The following ZNF736 variants were observed in gnomAD, a reference collection of about 807,000 sequenced individuals.
The protein encoded by ZNF736 is zinc finger protein 736.
A neutral mutation model predicts 11.7 loss-of-function variants in ZNF736; 6 were observed. The ratio of observed to expected loss-of-function variants is 0.51; its 90% CI spans 0.28 to 1.01. The LOEUF (loss-of-function observed/expected upper bound fraction) is 1.01. Among genes scored for constraint, ZNF736 ranks in the 50% least tolerant of loss-of-function variants. The pLI, the probability that ZNF736 is intolerant of heterozygous loss-of-function variation, is 0.09. For missense variants in ZNF736, 444 were observed against 496.0 expected (o/e 0.90, Z 1.00); for synonymous variants, 139 against 164.7 (o/e 0.84, Z 1.19).
rs1406265915 is a variant in ZNF736 at position 64,348,928 on chromosome 7, C to T, written c.1065C>T (p.Thr355=). 3 of 1,602,210 alleles carry T rather than the reference C, an allele frequency of 1.9e-6. No individual in the cohort carries two copies. Among genetic ancestry groups the T allele is most frequent in the South Asian group, 1.1e-5 (1 of 89,624 alleles). Residue 355 remains threonine, a synonymous_variant, in exon 4 of 4, where the codon ACC becomes ACT. Transcript: ENST00000423484. ...GCAAAGCCTTTACCCGCTCCTCAAC[C>T]CTTTTTAACCACAAGAGAATTCATA... is the stretch of plus-strand genomic sequence containing the variant. ...ECGKAFTRSS[T]LFNHKRIHME...
intron 3 of ZNF736, among the ~76,000 whole-genome samples, chr7:64,337,886 C>A (rs1789282542): frequency 6.6e-6 from 1 of 151,788 alleles, no homozygotes; most frequent in Non-Finnish European, 1.5e-5. Flanking sequence ...TCCCTAGTAG[C>A]TGGGATTACA....
rs1372911618 is a variant in ZNF736 at position 64,348,812 on chromosome 7, G to T, written c.949G>T (p.Glu317Ter). The change falls in exon 4 of 4, where the codon GAA becomes TAA. Residue 317 changes from glutamate (E) to a stop codon, truncating the protein, a stop_gained. Transcript: ENST00000423484. LOFTEE classifies it low-confidence loss of function (END_TRUNC). ...HTGDKPYTCN[E>*]CGKAFKWFSA... ...TGGAGACAAACCCTACACATGTAAT[G>T]AATGTGGAAAAGCTTTTAAGTGGTT... The T allele has an allele frequency of 6.3e-7, 1 of 1,587,568 alleles. No homozygotes were observed. The highest frequency in any genetic ancestry group is 2.3e-5 in the East Asian group (1 of 43,322).
At chr7:64,338,238 T>TACCTA (rs1483878790) in intron 3 of ZNF736, among the ~76,000 whole-genome samples, 1 of 152,188 alleles carries the variant, frequency 6.6e-6, no homozygotes, top group Non-Finnish European at 1.5e-5. Flanking sequence ...CAAATAATAA[T>TACCTA]TGAATACCTA....
intron 1 of ZNF736, among the ~76,000 whole-genome samples, chr7:64,329,609 T>C (rs528762330): frequency 6.6e-6 from 1 of 152,116 alleles, no homozygotes; most frequent in South Asian, 2.1e-4. Flanking sequence ...GCCAAATAAA[T>C]GGAATCTCTC....
Position 64,355,379 on chromosome 7 carries a change from C to CT in ZNF736, c.*6245dup, listed in dbSNP as rs201484182. 578 of 147,030 alleles carry CT rather than the reference C, an allele frequency of 3.9e-3. 3 individuals carry two copies. Among genetic ancestry groups the CT allele is most frequent in the African/African-American group, 7.4e-3 (294 of 39,972 alleles). The allele number at this position is 147,030 out of a possible 1,614,324, so 9.1% of individuals were successfully genotyped here. ...ATTTCAAGTAGATTTAATTCTAGAT[C>CT]TTTTTTTTTTTTTCTTTTTTTGAGA... On this transcript the variant is annotated 3_prime_UTR_variant, in exon 4 of 4. Transcript: ENST00000423484.
At chr7:64,341,851 A>T (rs1789342901) in intron 3 of ZNF736, among the ~76,000 whole-genome samples, 1 of 152,182 alleles carries the variant, frequency 6.6e-6, no homozygotes. Flanking sequence ...GAGTGGAAAG[A>T]ATAGCCATAC....
In ZNF736 at chr7:64,336,193, A is replaced by G. The variant is rs1208476338; in HGVS notation, c.4-66A>G. 1.9e-6 allele frequency: 3 copies of G among 1,554,724 alleles called. No individual in the cohort carries two copies. The South Asian group carries it at 3.5e-5, about 18-fold the overall frequency. On this transcript the variant is annotated intron_variant, in intron 1 of 3. Transcript: ENST00000423484. Reference sequence around the variant, plus strand: ...GTCAGAACCAGCTATCTTTATTCTCATTTTACCTGATGTCAAATCAAGAAT... The same window carrying G: ...GTCAGAACCAGCTATCTTTATTCTCGTTTTACCTGATGTCAAATCAAGAAT...
chr7:64,324,532 C>G (rs1185186283), intron 1 of ZNF736, among the ~76,000 whole-genome samples: 1 of 152,184 alleles, frequency 6.6e-6, no homozygotes, highest in East Asian at 1.9e-4. Context: ...TTTTGCCCCC[C>G]CGGACACATG....
intron 1 of ZNF736, among the ~76,000 whole-genome samples, chr7:64,328,279 A>T (rs1420765050): frequency 2.0e-5 from 3 of 149,306 alleles, no homozygotes; most frequent in Non-Finnish European, 3.0e-5. Context: ...GTAGAAGGAT[A>T]TTTTTGCTGG....
At chr7:64,331,477 C>T (rs1789165083) in intron 1 of ZNF736, among the ~76,000 whole-genome samples, 1 of 152,206 alleles carries the variant, frequency 6.6e-6, no homozygotes, top group Non-Finnish European at 1.5e-5. Flanking sequence ...TTTTTACCCT[C>T]TTCACTGCCT....
intron 1 of ZNF736, among the ~76,000 whole-genome samples, chr7:64,332,156 C>G (rs1471845483): frequency 6.7e-6 from 1 of 148,820 alleles, no homozygotes; most frequent in African/African-American, 2.5e-5. Context: ...CAGAGACTGT[C>G]CAACTTTTTC....
At chr7:64,323,443 CAAAAA>C (rs57496141) in intron 1 of ZNF736, among the ~76,000 whole-genome samples, 2 of 151,816 alleles carry the variant, frequency 1.3e-5, no homozygotes, top group Admixed American at 6.6e-5. Flanking sequence ...AAAAGTAAAA[CAAAAA>C]AAAATACTAT....
intron 1 of ZNF736, among the ~76,000 whole-genome samples, chr7:64,331,511 GT>G (rs1175242005): frequency 2.0e-5 from 3 of 152,238 alleles, no homozygotes; most frequent in East Asian, 1.9e-4. Flanking sequence ...CTAAAACTAG[GT>G]CCTGTGATCA....
At chr7:64,329,345 T>C (rs984961396) in intron 1 of ZNF736, among the ~76,000 whole-genome samples, 3 of 152,134 alleles carry the variant, frequency 2.0e-5, no homozygotes, top group Non-Finnish European at 4.4e-5. Flanking sequence ...GAGTTAGGTA[T>C]TTATTTTAGT....
intron 1 of ZNF736, among the ~76,000 whole-genome samples, chr7:64,321,463 A>G (rs1022091039): frequency 5.9e-5 from 9 of 152,240 alleles, no homozygotes; most frequent in Non-Finnish European, 7.3e-5. Context: ...TAAAACCACC[A>G]GGGCTAGACT....
chr7:64,345,396 C>T (rs1789396143), intron 3 of ZNF736, among the ~76,000 whole-genome samples: 1 of 151,824 alleles, frequency 6.6e-6, no homozygotes. Context: ...GACATCTTCA[C>T]AATGTTATGT....
Position 64,336,261 on chromosome 7 carries a change from A to G in ZNF736, c.6A>G (p.Gly2=). 6.2e-7 allele frequency: 1 copy of G among 1,611,400 alleles called. No individual in the cohort carries two copies. The highest frequency in any genetic ancestry group is 1.1e-5 in the South Asian group (1 of 90,848). M[G]VLTFRDVAVE... ...GGTAAATATGTTTTGTTTTCCAGGG[A>G]GTGTTGACATTCAGGGATGTGGCTG... The change falls in exon 2 of 4, where the codon GGA becomes GGG. Residue 2 remains glycine, a splice_region_variant and synonymous_variant. Coordinates refer to ENST00000423484, the MANE Select transcript of ZNF736 (RefSeq NM_001170905.3).
At chr7:64,341,228 T>C (rs1789333424) in intron 3 of ZNF736, among the ~76,000 whole-genome samples, 1 of 152,162 alleles carries the variant, frequency 6.6e-6, no homozygotes, top group South Asian at 2.1e-4. Flanking sequence ...ATCATTATTT[T>C]GACATCTTTG....
Position 64,343,341 on chromosome 7 carries a change from C to T in ZNF736, c.227-4749C>T, listed in dbSNP as rs115115716. ...GGCAAATACTGCATGTTCTTACTTA[C>T]AAGTGAGAGCTAAATATTGAGTATA... On this transcript the variant is annotated intron_variant, in intron 3 of 3. Transcript: ENST00000423484. Among the ~76,000 whole-genome samples the T allele has an allele frequency of 6.9e-3, 1,046 of 152,208 alleles. 7 individuals carry two copies. Among genetic ancestry groups the T allele is most frequent in the African/African-American group, 0.024 (993 of 41,524 alleles).
Sources: gnomAD v4.1 joint callset for allele counts (sites outside exome capture counted in the v4.1 genomes callset) on GRCh38, gnomAD v4.1.1 for gene constraint, MANE v1.5 for transcripts, NCBI Gene and HGNC (gene_info 2026-07-23, HGNC 2026-07-21) for gene names.